SMARCA4: variants seen among roughly 807,000 people sequenced by gnomAD.
SMARCA4 encodes SWI/SNF-related matrix-associated actin-dependent regulator of chromatin subfamily A member 4.
In SMARCA4, 31 loss-of-function variants were observed where a neutral mutation model predicts 193.9. That is an observed-to-expected ratio of 0.16 (90% CI 0.12 to 0.22). The LOEUF (loss-of-function observed/expected upper bound fraction) is 0.22. Ranked by LOEUF, SMARCA4 falls within the 10% of genes least tolerant of loss-of-function variation. The probability of loss-of-function intolerance (pLI) is 1.00; values close to 1 mark genes in which losing one functional copy is unlikely to be tolerated. For missense variants in SMARCA4, 1,148 were observed against 2,296.0 expected (o/e 0.50, Z 10.22); for synonymous variants, 942 against 933.1 (o/e 1.01, Z -0.17).
In SMARCA4 at chr19:11,039,337, G is replaced by C. The variant is rs112634605; in HGVS notation, c.4171-1970G>C. ...CCACTGCACTCCAGCCTGGGCGACA[G>C]AATGAGACCCTGTCTCTGAAAAAAA... On this transcript the variant is annotated intron_variant, in intron 29 of 34. Coordinates refer to ENST00000344626, the MANE Select transcript of SMARCA4 (RefSeq NM_003072.5). 0.032 allele frequency: 18,367 copies of C among 566,622 alleles called. 355 individuals carry two copies. Among genetic ancestry groups the C allele is most frequent in the South Asian group, 0.043 (1,906 of 43,888 alleles). 35.1% of individuals were successfully genotyped at this position (566,622 alleles called of 1,614,324 possible). A position where few individuals can be genotyped will look rare whatever the true frequency, so the allele number is the denominator to read the frequency against.
At position 11,059,962 on chromosome 19, in the gene SMARCA4, C is replaced by T. The variant is rs866115460; in HGVS notation, c.4768+77C>T. The T allele has an allele frequency of 3.0e-5, 48 of 1,612,818 alleles. No homozygotes were observed. In the Middle Eastern group the frequency reaches 1.5e-3, roughly 50 times the overall value. On this transcript the variant is annotated intron_variant, in intron 33 of 34. Transcript: ENST00000344626. ...CCCAAGGCCCCAGCTTTTCACAGCC[C>T]TCCCGGCTCCCAGACGCCCCTTGCT...
At position 11,003,149 on chromosome 19, in the gene SMARCA4, A is replaced by T. The variant is rs763375817; in HGVS notation, c.1933A>T (p.Met645Leu). ...KAGQLEAWLEMNPGYEVAPRS... is the reference protein window; with the variant it reads ...KAGQLEAWLELNPGYEVAPRS... Reference sequence around the variant, plus strand: ...CGGGCAGCTGGAGGCCTGGCTCGAGATGAACCCGGGGTGAGTTGGGCCTTG... The same window carrying T: ...CGGGCAGCTGGAGGCCTGGCTCGAGTTGAACCCGGGGTGAGTTGGGCCTTG... The change falls in exon 12 of 35, where the codon ATG (methionine) becomes TTG (leucine). Residue 645 changes from methionine to leucine, a missense_variant. Met to Leu is a conservative substitution (Grantham distance 15, BLOSUM62 2). Coordinates refer to ENST00000344626, the MANE Select transcript of SMARCA4 (RefSeq NM_003072.5). 1 of 1,614,002 alleles carries T rather than the reference A, an allele frequency of 6.2e-7. No individual in the cohort carries two copies. The highest frequency in any genetic ancestry group is 2.2e-5 in the East Asian group (1 of 44,898).
intron 1 of SMARCA4, among the ~76,000 whole-genome samples, chr19:10,975,724 C>T (rs1352380843): frequency 6.6e-6 from 1 of 152,200 alleles, no homozygotes; most frequent in Admixed American, 6.5e-5. Flanking sequence ...CACACCACTT[C>T]TAGACCCTTT....
chr19:11,041,815 C>G lies in SMARCA4; in HGVS notation c.4424+255C>G, dbSNP rs1435150314. ...AGAGGAGAGGCAGGGGTGCGGGTCT[C>G]GGAGAAGGGGACATTGCAGCAGAGC... On this transcript the variant is annotated intron_variant, in intron 30 of 34. Transcript: ENST00000344626. This position sits in a 1 kb window ranked among gnomAD's most constrained non-coding sequence, Gnocchi z 5.6. 6.6e-6 allele frequency among the ~76,000 whole-genome samples: 1 copy of G among 152,040 alleles called. No individual in the cohort carries two copies. The highest frequency in any genetic ancestry group is 1.5e-5 in the Non-Finnish European group (1 of 68,028).
intron 13 of SMARCA4, among the ~76,000 whole-genome samples, chr19:11,003,912 A>G (rs2087908604): frequency 6.6e-6 from 1 of 151,224 alleles, no homozygotes; most frequent in South Asian, 2.1e-4. Context: ...GAGTTTCATC[A>G]TATTGGCCAG....
At chr19:10,977,688 A>G (rs569585226) in intron 1 of SMARCA4, 1 of 152,368 alleles carries the variant, frequency 6.6e-6, no homozygotes, top group Middle Eastern at 3.4e-3. Context: ...TGATGGGAGC[A>G]TCTGAGGACC....
At position 11,039,558 on chromosome 19, in the gene SMARCA4, G is replaced by T. The variant is rs1000417349; in HGVS notation, c.4171-1749G>T. 13 of 1,582,096 alleles carry T rather than the reference G, an allele frequency of 8.2e-6. No individual in the cohort carries two copies. The highest frequency in any genetic ancestry group is 1.1e-5 in the Non-Finnish European group (13 of 1,163,398). On this transcript the variant is annotated intron_variant, in intron 29 of 34. Coordinates refer to ENST00000344626, the MANE Select transcript of SMARCA4 (RefSeq NM_003072.5). Reference sequence around the variant, plus strand: ...TTCTGCACACGTGCGTCAAAGGTGGGGAGAGTTCTGGTGGTGGGTGGCGCT... The same window carrying T: ...TTCTGCACACGTGCGTCAAAGGTGGTGAGAGTTCTGGTGGTGGGTGGCGCT...
chr19:11,048,124 G>T (rs374504094), intron 30 of SMARCA4, among the ~76,000 whole-genome samples: 5 of 152,158 alleles, frequency 3.3e-5, no homozygotes, highest in Admixed American at 3.3e-4. Flanking sequence ...AGAAGAGCTT[G>T]AATGGAATAA....
chr19:11,035,277 G>C (rs913179854), intron 29 of SMARCA4, 145 bp downstream of exon 29: 3 of 796,734 alleles, frequency 3.8e-6, no homozygotes, highest in Non-Finnish European at 6.4e-6. Context: ...GCAGCCGAGA[G>C]CCTTCCGATG....
rs1021830491 is a variant in SMARCA4 at position 11,033,153 on chromosome 19, G to T, written c.3547-137G>T. The T allele has an allele frequency of 4.1e-6, 3 of 724,744 alleles. No individual in the cohort carries two copies. Among genetic ancestry groups the T allele is most frequent in the African/African-American group, 3.5e-5 (2 of 57,588 alleles). 44.9% of individuals were successfully genotyped at this position (724,744 alleles called of 1,614,324 possible). On this transcript the variant is annotated intron_variant, in intron 25 of 34. Transcript: ENST00000344626. The surrounding 1 kb of genome is among the most constrained non-coding windows in gnomAD (Gnocchi z 9.8). ...GCTCCACCAGCTCTGTTTTCATGCG[G>T]CGGCAGGTCAGGCTGGGCAGAATTG...
At chr19:11,032,999 G>A (rs979494234) in intron 25 of SMARCA4, 3 of 515,582 alleles carry the variant, frequency 5.8e-6, no homozygotes, top group Non-Finnish European at 1.1e-5. Flanking sequence ...AGCTGCTTGA[G>A]AATATAATCC....
intron 16 of SMARCA4, among the ~76,000 whole-genome samples, chr19:11,014,652 C>G (rs1358132906): frequency 6.6e-6 from 1 of 152,072 alleles, no homozygotes; most frequent in Non-Finnish European, 1.5e-5. Context: ...CTCTGCAGTT[C>G]CCGATTTTCC....
At position 11,058,966 on chromosome 19, in the gene SMARCA4, C is replaced by A; in HGVS notation, c.4635+77C>A. 1 of 1,155,158 alleles carries A rather than the reference C, an allele frequency of 8.7e-7. No individual in the cohort carries two copies. The highest frequency in any genetic ancestry group is 1.3e-6 in the Non-Finnish European group (1 of 774,812). The allele number at this position is 1,155,158 out of a possible 1,614,324, so 71.6% of individuals were successfully genotyped here. ...GACCCAACCCGCCCCTCCTTCCCTT[C>A]TGAATTGATGGGTTAAAAACAAGTC... is the stretch of plus-strand genomic sequence containing the variant. On this transcript the variant is annotated intron_variant, in intron 32 of 34. Coordinates refer to ENST00000344626, the MANE Select transcript of SMARCA4 (RefSeq NM_003072.5). The surrounding 1 kb of genome is among the most constrained non-coding windows in gnomAD (Gnocchi z 5.8).
rs1303787689 is a variant in SMARCA4 at position 10,984,974 on chromosome 19, G to A, written c.223-299G>A. ...GTCATATTAGCATCCATGAGAAAAG[G>A]TGACATTTCTAAGTGTCACGGGCCA... On this transcript the variant is annotated intron_variant, in intron 2 of 34. Transcript: ENST00000344626. The surrounding 1 kb of genome is among the most constrained non-coding windows in gnomAD (Gnocchi z 4.3). Among the ~76,000 whole-genome samples the A allele has an allele frequency of 6.6e-6, 1 of 152,190 alleles. No homozygotes were observed. Among genetic ancestry groups the A allele is most frequent in the Non-Finnish European group, 1.5e-5 (1 of 68,032 alleles).
chr19:11,050,956 AG>A (rs1568547325), intron 30 of SMARCA4, among the ~76,000 whole-genome samples: 1 of 152,214 alleles, frequency 6.6e-6, no homozygotes, highest in Non-Finnish European at 1.5e-5. Flanking sequence ...TGGCTGGATG[AG>A]GGCACCGAGC....
chr19:11,041,195 C>T lies in SMARCA4; in HGVS notation c.4171-112C>T, dbSNP rs986089333. On this transcript the variant is annotated intron_variant, in intron 29 of 34. Transcript: ENST00000344626. The surrounding 1 kb of genome is among the most constrained non-coding windows in gnomAD (Gnocchi z 5.6). Reference sequence around the variant, plus strand: ...CGAGCCAGTCAAGCTGAAGGGAGAGCGGGTGCGGGGGCCCTCCTCCGTGTC... The same window carrying T: ...CGAGCCAGTCAAGCTGAAGGGAGAGTGGGTGCGGGGGCCCTCCTCCGTGTC... 15 of 1,129,552 alleles carry T rather than the reference C, an allele frequency of 1.3e-5. No homozygotes were observed. Among genetic ancestry groups the T allele is most frequent in the Admixed American group, 8.3e-5 (4 of 48,160 alleles). 70.0% of individuals were successfully genotyped at this position (1,129,552 alleles called of 1,614,324 possible).
At chr19:11,042,093 G>A (rs2075650558) in intron 30 of SMARCA4, among the ~76,000 whole-genome samples, 2 of 152,282 alleles carry the variant, frequency 1.3e-5, no homozygotes, top group South Asian at 2.1e-4. Context: ...TTGGTGAGAT[G>A]GTGGCCACAC....
intron 23 of SMARCA4, among the ~76,000 whole-genome samples, chr19:11,026,882 G>A (rs1306907455): frequency 6.6e-6 from 1 of 152,216 alleles, no homozygotes; most frequent in African/African-American, 2.4e-5. Context: ...CTGGCTTACA[G>A]ATCCCACTCT....
At chr19:11,024,529 G>T in intron 21 of SMARCA4, 91 bp downstream of exon 21, 5 of 814,926 alleles carry the variant, frequency 6.1e-6, no homozygotes, top group South Asian at 4.2e-5. Flanking sequence ...TGACCATCGG[G>T]TCATGATCTG....
Sources: gnomAD v4.1 joint callset for allele counts (sites outside exome capture counted in the v4.1 genomes callset) on GRCh38, gnomAD v4.1.1 for gene constraint, Gnocchi (gnomAD v3.1) non-coding constraint, MANE v1.5 for transcripts, NCBI Gene and HGNC (gene_info 2026-07-23, HGNC 2026-07-21) for gene names.